GRIK4: variants seen among roughly 807,000 people sequenced by gnomAD.
The protein encoded by GRIK4 is glutamate receptor ionotropic, kainate 4.
Under a neutral mutation model 104.9 loss-of-function variants are expected in GRIK4, and 40 were observed. That is an observed-to-expected ratio of 0.38 (90% CI 0.30 to 0.50). The LOEUF (loss-of-function observed/expected upper bound fraction) is 0.50, where lower values mean the gene tolerates loss of function less well. Among genes scored for constraint, GRIK4 ranks in the 20% least tolerant of loss-of-function variants. The probability of loss-of-function intolerance (pLI) is 0.93; values close to 1 mark genes in which losing one functional copy is unlikely to be tolerated. For synonymous variants in GRIK4, 485 were observed against 524.9 expected (o/e 0.92, Z 1.04); for missense variants, 1,047 against 1,308.1 (o/e 0.80, Z 3.08).
intron 3 of GRIK4, among the ~76,000 whole-genome samples, chr11:120,762,455 C>G (rs1156409434): frequency 2.0e-5 from 3 of 152,146 alleles, no homozygotes; most frequent in African/African-American, 4.8e-5. Context: ...CCTGAGTGCC[C>G]TGGCCAGAAC....
chr11:120,584,710 G>T (rs1047940035), intron 1 of GRIK4, among the ~76,000 whole-genome samples: 2 of 152,228 alleles, frequency 1.3e-5, no homozygotes, highest in Non-Finnish European at 2.9e-5. Flanking sequence ...AACTGTATCA[G>T]TGGCTCATTA....
At chr11:120,649,112 G>C (rs1363678097) in intron 1 of GRIK4, among the ~76,000 whole-genome samples, 1 of 152,166 alleles carries the variant, frequency 6.6e-6, no homozygotes, top group Non-Finnish European at 1.5e-5. Context: ...ACTATTCTGA[G>C]CTTGGATGAC....
At chr11:120,556,600 G>A (rs868573212) in intron 1 of GRIK4, among the ~76,000 whole-genome samples, 35 of 151,792 alleles carry the variant, frequency 2.3e-4, no homozygotes, top group Admixed American at 2.1e-3. Context: ...GTTTCCTTTC[G>A]GCCCACCTGA....
chr11:120,696,566 A>C (rs1950452831), intron 3 of GRIK4, among the ~76,000 whole-genome samples: 1 of 151,796 alleles, frequency 6.6e-6, no homozygotes, highest in African/African-American at 2.4e-5. Flanking sequence ...AAGGGGACTC[A>C]GAGCTCTGAG....
At chr11:120,875,101 G>A in intron 10 of GRIK4, 38 bp from the exon 11 acceptor site, 1 of 1,295,508 alleles carries the variant, frequency 7.7e-7, no homozygotes, top group Non-Finnish European at 1.1e-6. Flanking sequence ...TGTAACCTGG[G>A]GCCTGTTTGG....
At chr11:120,906,912 G>A (rs114405783) in intron 13 of GRIK4, among the ~76,000 whole-genome samples, 2,125 of 152,296 alleles carry the variant, frequency 0.014, 52 homozygotes, top group African/African-American at 0.049. Flanking sequence ...TCAGAGGGGC[G>A]CTTGCAAACA....
At chr11:120,916,365 A>G (rs866926128) in intron 13 of GRIK4, among the ~76,000 whole-genome samples, 1 of 152,262 alleles carries the variant, frequency 6.6e-6, no homozygotes, top group South Asian at 2.1e-4. Flanking sequence ...AGCAAAGTAC[A>G]TCGTAAATGA....
chr11:120,955,821 T>C (rs1169561630), intron 15 of GRIK4, among the ~76,000 whole-genome samples: 2 of 152,026 alleles, frequency 1.3e-5, no homozygotes, highest in African/African-American at 4.8e-5. Context: ...TTTTTTTTTT[T>C]TTGAAAGGCT....
At chr11:120,842,704 G>T (rs1009259090) in intron 8 of GRIK4, among the ~76,000 whole-genome samples, 4 of 152,220 alleles carry the variant, frequency 2.6e-5, no homozygotes, top group Non-Finnish European at 5.9e-5. Context: ...GATGCACTGT[G>T]CTTATTCGGC....
chr11:120,777,105 G>A (rs911928110), intron 3 of GRIK4, among the ~76,000 whole-genome samples: 2 of 152,122 alleles, frequency 1.3e-5, no homozygotes, highest in Admixed American at 1.3e-4. Context: ...CTTCACCTGC[G>A]AGTCTTCCCT....
intron 8 of GRIK4, among the ~76,000 whole-genome samples, chr11:120,838,243 C>T (rs895644376): frequency 1.3e-5 from 2 of 152,120 alleles, no homozygotes; most frequent in Admixed American, 1.3e-4. Flanking sequence ...CACTGTGAGC[C>T]TTTGGTTGAG....
chr11:120,697,653 G>A (rs1159506138), intron 3 of GRIK4, among the ~76,000 whole-genome samples: 2 of 152,190 alleles, frequency 1.3e-5, no homozygotes, highest in Non-Finnish European at 2.9e-5. Flanking sequence ...ACAGTGGATG[G>A]CCAGAGGAAA....
At chr11:120,747,804 T>C (rs1951470957) in intron 3 of GRIK4, among the ~76,000 whole-genome samples, 1 of 152,246 alleles carries the variant, frequency 6.6e-6, no homozygotes, top group Non-Finnish European at 1.5e-5. Context: ...GAAGTCAGCT[T>C]AGGGCCTGGC....
At chr11:120,981,995 A>C in intron 19 of GRIK4, 111 bp from the exon 20 acceptor site, 3 of 752,158 alleles carry the variant, frequency 4.0e-6, no homozygotes, top group Non-Finnish European at 7.2e-6. Flanking sequence ...TGTCTACTTG[A>C]GCATCTACCA....
intron 4 of GRIK4, among the ~76,000 whole-genome samples, chr11:120,813,911 G>A (rs957953266): frequency 5.3e-5 from 8 of 152,158 alleles, no homozygotes; most frequent in Non-Finnish European, 1.2e-4. Context: ...TCTGAGGGAC[G>A]GCCCCTTGGC....
intron 1 of GRIK4, among the ~76,000 whole-genome samples, chr11:120,558,912 T>C (rs1948213013): frequency 6.6e-6 from 1 of 152,202 alleles, no homozygotes; most frequent in Non-Finnish European, 1.5e-5. Flanking sequence ...ATGTTGGTTT[T>C]ACCCAGACTG....
At position 120,660,342 on chromosome 11, in the gene GRIK4, G is replaced by T. The variant is rs1235586120; in HGVS notation, c.24G>T (p.Leu8Phe). 6.2e-7 allele frequency: 1 copy of T among 1,613,398 alleles called. No homozygotes were observed. Among genetic ancestry groups the T allele is most frequent in the East Asian group, 2.2e-5 (1 of 44,882 alleles). MPRVSAP[L>F]VLLPAWLVMV... ...AGATGCCCCGCGTCTCGGCGCCTTTGGTGCTGCTTCCTGCGTGGCTCGTGA... is the reference window on the plus strand; with the variant it reads ...AGATGCCCCGCGTCTCGGCGCCTTTTGTGCTGCTTCCTGCGTGGCTCGTGA... The change falls in exon 3 of 21, where the codon TTG becomes TTT. Residue 8 changes from leucine (L) to phenylalanine (F), a missense_variant. By Grantham distance (22) the Leu-to-Phe change is conservative. This residue lies in a region of GRIK4 where 447 missense variants were observed against 514.9 expected (regional missense o/e 0.87). Transcript: ENST00000527524.
At chr11:120,620,014 G>GCC in intron 1 of GRIK4, 1 of 534,290 alleles carries the variant, frequency 1.9e-6, no homozygotes, top group Non-Finnish European at 3.5e-6. Flanking sequence ...CGGTGGAGCT[G>GCC]TTAGCGTAGT....
At chr11:120,777,946 A>G (rs1303891026) in intron 3 of GRIK4, among the ~76,000 whole-genome samples, 1 of 151,754 alleles carries the variant, frequency 6.6e-6, no homozygotes, top group Non-Finnish European at 1.5e-5. Flanking sequence ...CAAAAAAAAA[A>G]AAGAAAAAAA....
Sources: allele counts gnomAD v4.1 joint callset (sites outside exome capture counted in the v4.1 genomes callset), GRCh38; gene constraint gnomAD v4.1.1; regional missense constraint gnomAD v4.1.1; transcripts MANE v1.5; gene names NCBI Gene and HGNC (gene_info 2026-07-23, HGNC 2026-07-21).